TANGO6: variants seen among roughly 807,000 people sequenced by gnomAD.
TANGO6 encodes transport and Golgi organization protein 6 homolog.
TANGO6 carries 90 observed loss-of-function variants against 114.2 expected under a neutral mutation model. The observed-to-expected ratio is 0.79, with a 90% confidence interval of 0.66 to 0.94. TANGO6 has a LOEUF of 0.94. Ranked by LOEUF, TANGO6 falls within the 40% of genes least tolerant of loss-of-function variation. TANGO6 has a pLI of 0.00. For missense variants in TANGO6, 1,274 were observed against 1,315.3 expected (o/e 0.97, Z 0.49); for synonymous variants, 477 against 509.8 (o/e 0.94, Z 0.87).
intron 15 of TANGO6, among the ~76,000 whole-genome samples, chr16:68,974,380 C>G (rs542527307): frequency 6.6e-6 from 1 of 151,996 alleles, no homozygotes; most frequent in African/African-American, 2.4e-5. Flanking sequence ...CTTAGTCTCT[C>G]GCCAGGTGCG....
At chr16:68,875,054 G>T (rs1962333135) in intron 4 of TANGO6, 100 bp from the exon 5 acceptor site, 2 of 1,309,812 alleles carry the variant, frequency 1.5e-6, no homozygotes, top group Non-Finnish European at 2.1e-6. Context: ...CAATAGAAAA[G>T]ATAAATGCAT....
intron 3 of TANGO6, among the ~76,000 whole-genome samples, chr16:68,863,910 C>T (rs1044474298): frequency 3.9e-5 from 6 of 152,168 alleles, no homozygotes; most frequent in East Asian, 1.9e-4. Context: ...CGTGGTGGCT[C>T]ACGCCTGTAA....
intron 7 of TANGO6, among the ~76,000 whole-genome samples, chr16:68,888,189 G>A (rs957433809): frequency 1.3e-5 from 2 of 152,052 alleles, no homozygotes; most frequent in Admixed American, 1.3e-4. Flanking sequence ...GACATAAAGG[G>A]GATACACGGC....
chr16:68,862,027 T>TA (rs1962099813), intron 2 of TANGO6, among the ~76,000 whole-genome samples: 3 of 151,850 alleles, frequency 2.0e-5, no homozygotes, highest in African/African-American at 7.3e-5. Flanking sequence ...TTTTTAATTT[T>TA]TTTTTTATTT....
At chr16:68,949,438 T>C (rs1182688012) in intron 14 of TANGO6, among the ~76,000 whole-genome samples, 1 of 151,892 alleles carries the variant, frequency 6.6e-6, no homozygotes, top group African/African-American at 2.4e-5. Flanking sequence ...CTGGCCAACA[T>C]AGTGAAACTT....
At chr16:68,913,258 T>A (rs1227630154) in intron 11 of TANGO6, among the ~76,000 whole-genome samples, 1 of 151,786 alleles carries the variant, frequency 6.6e-6, no homozygotes, top group Admixed American at 6.6e-5. Context: ...TTGTTTTTGT[T>A]TTTTTTGTAG....
intron 14 of TANGO6, among the ~76,000 whole-genome samples, chr16:68,967,271 T>C (rs765396373): frequency 1.3e-5 from 2 of 152,150 alleles, no homozygotes; most frequent in Non-Finnish European, 2.9e-5. Context: ...CATCAGACTT[T>C]CCATTCTCAT....
intron 11 of TANGO6, 25 bp downstream of exon 11, chr16:68,909,427 C>T (rs763078286): frequency 2.5e-5 from 36 of 1,453,204 alleles, no homozygotes; most frequent in Middle Eastern, 4.1e-4. Context: ...CATTCTGGAC[C>T]GCAGCCTTTT....
chr16:69,067,537 A>AAAAAAAAAAAAG (rs1960233882), intron 17 of TANGO6, among the ~76,000 whole-genome samples: 1 of 148,188 alleles, frequency 6.7e-6, no homozygotes, highest in African/African-American at 2.5e-5. Flanking sequence ...AAAAAAAAAA[A>AAAAAAAAAAAAG]CGCTGGGCGC....
intron 11 of TANGO6, among the ~76,000 whole-genome samples, chr16:68,918,506 G>A (rs542087750): frequency 5.3e-5 from 8 of 152,262 alleles, no homozygotes; most frequent in Middle Eastern, 3.4e-3. Flanking sequence ...ATTGCAGTCC[G>A]TGATCCATTT....
At position 68,869,550 on chromosome 16, in the gene TANGO6, T is replaced by A. The variant is rs184864902; in HGVS notation, c.994+2330T>A. 5.7e-3 allele frequency among the ~76,000 whole-genome samples: 871 copies of A among 152,292 alleles called. 4 individuals are homozygous for A. The highest frequency in any genetic ancestry group is 9.5e-3 in the Non-Finnish European group (649 of 68,000). On this transcript the variant is annotated intron_variant, in intron 4 of 17. Coordinates refer to ENST00000261778, the MANE Select transcript of TANGO6 (RefSeq NM_024562.2). ...CTTCTTGGAAACATCTTTCTCTGGGTCTTCTGACTTGCTTTACTCAATCCT... is the reference window on the plus strand; with the variant it reads ...CTTCTTGGAAACATCTTTCTCTGGGACTTCTGACTTGCTTTACTCAATCCT...
intron 1 of TANGO6, among the ~76,000 whole-genome samples, 194 bp from the exon 2 acceptor site, chr16:68,859,688 AGT>A (rs1431763295): frequency 6.6e-6 from 1 of 152,212 alleles, no homozygotes; most frequent in East Asian, 1.9e-4. Context: ...TTACATGCAA[AGT>A]GCTGTGGGAA....
chr16:68,989,826 G>C (rs538576715), intron 15 of TANGO6, among the ~76,000 whole-genome samples: 1 of 152,142 alleles, frequency 6.6e-6, no homozygotes, highest in African/African-American at 2.4e-5. Flanking sequence ...TCAAATCTCA[G>C]TTCAGTTCTT....
chr16:68,925,902 AAAAAAAG>A (rs927606858), intron 12 of TANGO6, among the ~76,000 whole-genome samples: 4 of 151,212 alleles, frequency 2.6e-5, no homozygotes, highest in African/African-American at 9.7e-5. Context: ...ATTAAAAAAA[AAAAAAAG>A]AAAAAAGAAA....
intron 10 of TANGO6, 85 bp downstream of exon 10, chr16:68,907,660 T>G: frequency 7.0e-7 from 1 of 1,437,704 alleles, no homozygotes; most frequent in Non-Finnish European, 9.2e-7. Context: ...TTTATAATTT[T>G]AGGTCCTAAA....
intron 14 of TANGO6, among the ~76,000 whole-genome samples, chr16:68,936,306 G>A (rs1963298793): frequency 6.6e-6 from 1 of 152,098 alleles, no homozygotes; most frequent in African/African-American, 2.4e-5. Context: ...ATAAATAAGT[G>A]ATATTCTTCA....
intron 11 of TANGO6, 96 bp downstream of exon 11, chr16:68,909,498 A>G: frequency 1.7e-6 from 2 of 1,147,872 alleles, no homozygotes; most frequent in South Asian, 5.2e-5. Flanking sequence ...TGACACCTGG[A>G]TCATGAGGTG....
intron 15 of TANGO6, among the ~76,000 whole-genome samples, chr16:68,980,093 G>A (rs991639465): frequency 2.6e-5 from 4 of 151,610 alleles, no homozygotes; most frequent in East Asian, 1.9e-4. Context: ...TGATCTGCCC[G>A]CCTCGGCCTC....
At chr16:69,013,899 C>G (rs956536510) in intron 15 of TANGO6, among the ~76,000 whole-genome samples, 2 of 152,180 alleles carry the variant, frequency 1.3e-5, no homozygotes, top group Non-Finnish European at 2.9e-5. Flanking sequence ...CTCAGGCAAT[C>G]TGCCTGCCTT....
Sources: gnomAD v4.1 joint callset for allele counts (sites outside exome capture counted in the v4.1 genomes callset) on GRCh38, gnomAD v4.1.1 for gene constraint, MANE v1.5 for transcripts, NCBI Gene and HGNC (gene_info 2026-07-23, HGNC 2026-07-21) for gene names.